Variants in PDE4D observed in about 807,000 individuals in gnomAD.
PDE4D encodes the protein 3',5'-cyclic-AMP phosphodiesterase 4D.
PDE4D carries 24 observed loss-of-function variants against 87.4 expected under a neutral mutation model. The ratio of observed to expected loss-of-function variants is 0.27; its 90% CI spans 0.20 to 0.39. The LOEUF (loss-of-function observed/expected upper bound fraction) is 0.39. Ranked by LOEUF, PDE4D falls within the 10% of genes least tolerant of loss-of-function variation. The pLI is 1.00. For synonymous variants in PDE4D, 384 were observed against 383.2 expected (o/e 1.00, Z -0.02); for missense variants, 714 against 1,041.0 (o/e 0.69, Z 4.32).
intron 1 of PDE4D, among the ~76,000 whole-genome samples, chr5:59,476,917 A>G (rs139700884): frequency 6.6e-6 from 1 of 152,202 alleles, no homozygotes; most frequent in Admixed American, 6.6e-5. Flanking sequence ...GTAACAATAA[A>G]TCACTTTGGA....
intron 1 of PDE4D, among the ~76,000 whole-genome samples, chr5:59,732,538 T>C (rs1757520936): frequency 6.6e-6 from 1 of 151,956 alleles, no homozygotes; most frequent in Non-Finnish European, 1.5e-5. Context: ...TGAACTAAAT[T>C]CACAAATTAA....
intron 1 of PDE4D, among the ~76,000 whole-genome samples, chr5:59,652,934 T>C (rs1743747043): frequency 6.6e-6 from 1 of 152,132 alleles, no homozygotes; most frequent in Non-Finnish European, 1.5e-5. Flanking sequence ...GTAAATATCT[T>C]AGTATTGCAC....
At chr5:60,094,850 C>CTT (rs1226692281) in intron 2 of PDE4D, among the ~76,000 whole-genome samples, 5 of 151,902 alleles carry the variant, frequency 3.3e-5, no homozygotes, top group Non-Finnish European at 4.4e-5. Flanking sequence ...ATTTGTTGTA[C>CTT]TTTTGTTATG....
intron 1 of PDE4D, among the ~76,000 whole-genome samples, chr5:59,789,687 T>A (rs1050012734): frequency 1.3e-5 from 2 of 152,174 alleles, no homozygotes; most frequent in African/African-American, 4.8e-5. Flanking sequence ...AAAATAGAAA[T>A]CCTTGATTTA....
chr5:59,090,692 C>T (rs1224420416), intron 5 of PDE4D, among the ~76,000 whole-genome samples: 1 of 151,484 alleles, frequency 6.6e-6, no homozygotes, highest in Non-Finnish European at 1.5e-5. Context: ...ACAACAACAA[C>T]AAGACGGAAT....
At chr5:60,435,135 A>G (rs538157010) in intron 1 of PDE4D, among the ~76,000 whole-genome samples, 12 of 148,166 alleles carry the variant, frequency 8.1e-5, no homozygotes, top group Non-Finnish European at 1.1e-4. Context: ...GCAATGTAAA[A>G]CCGAACTTGA....
intron 2 of PDE4D, among the ~76,000 whole-genome samples, chr5:60,097,140 G>A (rs1775755831): frequency 6.6e-6 from 1 of 152,006 alleles, no homozygotes; most frequent in Admixed American, 6.6e-5. Flanking sequence ...GCCACAGCTA[G>A]GGAATGAAGT....
chr5:59,321,498 T>C (rs979005783), intron 1 of PDE4D, among the ~76,000 whole-genome samples: 4 of 152,168 alleles, frequency 2.6e-5, no homozygotes, highest in African/African-American at 4.8e-5. Flanking sequence ...TTCTTGCCTT[T>C]GTGTTCTCCC....
At chr5:59,313,571 G>A (rs1248366261) in intron 1 of PDE4D, among the ~76,000 whole-genome samples, 1 of 151,460 alleles carries the variant, frequency 6.6e-6, no homozygotes, top group East Asian at 1.9e-4. Flanking sequence ...AACTTCTGCT[G>A]TATGTAGATG....
intron 1 of PDE4D, among the ~76,000 whole-genome samples, chr5:59,811,428 G>A (rs1768334029): frequency 6.6e-6 from 1 of 152,148 alleles, no homozygotes; most frequent in South Asian, 2.1e-4. Context: ...GTCCTCAGTC[G>A]CCATTTTAAT....
chr5:59,029,964 G>A (rs987253641), intron 6 of PDE4D, among the ~76,000 whole-genome samples: 5 of 152,214 alleles, frequency 3.3e-5, no homozygotes, highest in Admixed American at 1.3e-4. Context: ...ATAGTGTTGG[G>A]AAAACTGGAT....
At chr5:59,078,076 C>T (rs1159112975) in intron 5 of PDE4D, among the ~76,000 whole-genome samples, 1 of 152,130 alleles carries the variant, frequency 6.6e-6, no homozygotes, top group Non-Finnish European at 1.5e-5. Flanking sequence ...TATCCATCTC[C>T]CTCCTTGTTG....
intron 1 of PDE4D, among the ~76,000 whole-genome samples, chr5:59,285,515 A>T (rs1043375620): frequency 2.6e-5 from 3 of 114,704 alleles, no homozygotes; most frequent in Non-Finnish European, 5.6e-5. Context: ...TGTTATAATT[A>T]AAAAAAAAAT....
At chr5:59,514,994 C>T (rs909933559) in intron 1 of PDE4D, among the ~76,000 whole-genome samples, 2 of 152,106 alleles carry the variant, frequency 1.3e-5, no homozygotes, top group African/African-American at 4.8e-5. Flanking sequence ...TTTCTATGTA[C>T]CTATATGTGT....
In PDE4D at chr5:59,261,119, A is replaced by G. The variant is rs566617037; in HGVS notation, c.456-45151T>C. On this transcript the variant is annotated intron_variant, in intron 1 of 14. Transcript: ENST00000340635. Reference sequence around the variant, plus strand: ...TGTGAAAGTCAGATAATAATTTGATATTTTGTTGTAAACAGGTTTTCCATT... The same window carrying G: ...TGTGAAAGTCAGATAATAATTTGATGTTTTGTTGTAAACAGGTTTTCCATT... Among the ~76,000 whole-genome samples the G allele has an allele frequency of 5.7e-4, 86 of 151,938 alleles. 1 individual carries two copies. The South Asian group carries it at 0.017, about 30-fold the overall frequency.
At chr5:59,801,291 C>T (rs547940286) in intron 1 of PDE4D, among the ~76,000 whole-genome samples, 1 of 152,080 alleles carries the variant, frequency 6.6e-6, no homozygotes, top group Admixed American at 6.5e-5. Flanking sequence ...ACAGGTAAAC[C>T]ATGACACCAA....
intron 1 of PDE4D, among the ~76,000 whole-genome samples, chr5:60,194,351 CCT>C (rs1740958813): frequency 6.6e-6 from 1 of 151,714 alleles, no homozygotes; most frequent in Non-Finnish European, 1.5e-5. Flanking sequence ...AATCCCTCTT[CCT>C]CTGTCTTCTG....
chr5:60,518,701 T>C (rs1750911129), intron 1 of PDE4D, among the ~76,000 whole-genome samples: 1 of 152,198 alleles, frequency 6.6e-6, no homozygotes, highest in Non-Finnish European at 1.5e-5. Flanking sequence ...GTTATTTTTT[T>C]TTCTTCAAGA....
At chr5:59,558,605 A>G (rs184825216) in intron 1 of PDE4D, 6 of 152,332 alleles carry the variant, frequency 3.9e-5, no homozygotes, top group Admixed American at 3.3e-4. Flanking sequence ...AGAGAAAAGT[A>G]AGGGATTGAA....
Sources: gnomAD v4.1 joint callset for allele counts (sites outside exome capture counted in the v4.1 genomes callset) on GRCh38, gnomAD v4.1.1 for gene constraint, MANE v1.5 for transcripts, NCBI Gene and HGNC (gene_info 2026-07-23, HGNC 2026-07-21) for gene names.